ANKFN1: variants seen among roughly 807,000 people sequenced by gnomAD.
The protein encoded by ANKFN1 is ankyrin repeat and fibronectin type-III domain-containing protein 1.
ANKFN1 carries 74 observed loss-of-function variants against 108.7 expected under a neutral mutation model. That is an observed-to-expected ratio of 0.68 (90% confidence interval 0.56 to 0.83). ANKFN1 has a LOEUF of 0.83. Ranked by LOEUF, ANKFN1 falls within the 40% of genes least tolerant of loss-of-function variation. The pLI is 0.00. For missense variants in ANKFN1, 1,505 were observed against 1,382.3 expected (o/e 1.09, Z -1.41); for synonymous variants, 547 against 516.2 (o/e 1.06, Z -0.81).
At chr17:56,485,367 T>A (rs2050822554) in intron 18 of ANKFN1, among the ~76,000 whole-genome samples, 1 of 152,208 alleles carries the variant, frequency 6.6e-6, no homozygotes, top group Non-Finnish European at 1.5e-5. Context: ...AGCAGAGACC[T>A]AATATTTCCA....
rs552321362 is a variant in ANKFN1, at chr17:56,374,627, T to A, written c.823T>A (p.Cys275Ser). The A allele has an allele frequency of 1.2e-5, 20 of 1,613,934 alleles. No homozygotes were observed. In the East Asian group the frequency reaches 4.0e-4, roughly 32 times the overall value. ...ARAPEMPTNV[C>S]LMVTSSTSLT... The stretch of plus-strand genomic sequence containing the variant: ...AGCCCCTGAGATGCCAACCAATGTC[T>A]GTCTCATGGTAACCAGCAGCACATC... Residue 275 changes from cysteine to serine, a missense_variant, in exon 8 of 21, where the codon TGT (cysteine) becomes AGT (serine). By Grantham distance (112) the Cys-to-Ser change is moderately radical (BLOSUM62 -1). Transcript: ENST00000682825.
intron 3 of ANKFN1, among the ~76,000 whole-genome samples, chr17:56,261,235 A>C (rs1040586867): frequency 2.6e-5 from 4 of 152,230 alleles, no homozygotes; most frequent in Non-Finnish European, 4.4e-5. Flanking sequence ...TTATTGAGAA[A>C]TAATTTTCTC....
rs567387368 is a variant in ANKFN1 at position 56,139,853 on chromosome 17, G to A, written c.289-88064G>A. 7.2e-5 allele frequency among the ~76,000 whole-genome samples: 11 copies of A among 152,112 alleles called. No individual in the cohort carries two copies. The South Asian group carries it at 2.1e-3, about 29-fold the overall frequency. On this transcript the variant is annotated intron_variant, in intron 4 of 12. Transcript: ENST00000635860. ...GTTTCCACAGTGTTACACTATCTCG[G>A]TTTTATACGTTTCTTCATATCCTTT...
At chr17:56,348,329 G>T (rs539384623) in intron 4 of ANKFN1, among the ~76,000 whole-genome samples, 12 of 152,024 alleles carry the variant, frequency 7.9e-5, no homozygotes, top group Non-Finnish European at 1.5e-4. Flanking sequence ...CTAAAACTGG[G>T]TAGGGCCTCC....
At chr17:56,088,401 C>G (rs1905353970) in intron 4 of ANKFN1, among the ~76,000 whole-genome samples, 1 of 151,338 alleles carries the variant, frequency 6.6e-6, no homozygotes, top group Non-Finnish European at 1.5e-5. Flanking sequence ...TGCTGTCTGT[C>G]TGTCAGCCCC....
intron 1 of ANKFN1, among the ~76,000 whole-genome samples, chr17:56,175,734 G>A (rs1436770711): frequency 6.6e-6 from 1 of 152,156 alleles, no homozygotes; most frequent in African/African-American, 2.4e-5. Flanking sequence ...CCAGCCCTAT[G>A]CATTCAGTTA....
At chr17:56,306,136 T>C (rs866895982) in intron 3 of ANKFN1, among the ~76,000 whole-genome samples, 1 of 152,252 alleles carries the variant, frequency 6.6e-6, no homozygotes, top group Non-Finnish European at 1.5e-5. Flanking sequence ...TTAGCTATTC[T>C]GGTTCGTTTG....
intron 4 of ANKFN1, among the ~76,000 whole-genome samples, chr17:56,048,922 G>A (rs568869084): frequency 6.6e-6 from 1 of 152,314 alleles, no homozygotes; most frequent in East Asian, 1.9e-4. Context: ...TTTGGGGGAA[G>A]GTGAAGACTA....
At chr17:56,115,620 T>G (rs1353257276) in intron 4 of ANKFN1, among the ~76,000 whole-genome samples, 2 of 152,082 alleles carry the variant, frequency 1.3e-5, no homozygotes, top group Non-Finnish European at 2.9e-5. Context: ...AAAACAAAAT[T>G]TAATTGAAAA....
At chr17:56,388,069 T>A (rs1211967509) in intron 8 of ANKFN1, among the ~76,000 whole-genome samples, 1 of 152,180 alleles carries the variant, frequency 6.6e-6, no homozygotes, top group East Asian at 1.9e-4. Context: ...CTTTTAACAT[T>A]TTTTAGTTCT....
intron 3 of ANKFN1, among the ~76,000 whole-genome samples, chr17:56,270,736 A>G (rs2043770936): frequency 6.6e-6 from 1 of 152,170 alleles, no homozygotes; most frequent in Non-Finnish European, 1.5e-5. Flanking sequence ...GCAGTGAAAG[A>G]GCTTCTGTTC....
chr17:56,399,525 C>T (rs969241018), intron 8 of ANKFN1, among the ~76,000 whole-genome samples: 1 of 151,198 alleles, frequency 6.6e-6, no homozygotes, highest in Non-Finnish European at 1.5e-5. Context: ...AGGTGGTATT[C>T]GGTTACATGA....
At chr17:56,347,366 T>C (rs2046131702) in intron 4 of ANKFN1, among the ~76,000 whole-genome samples, 1 of 152,048 alleles carries the variant, frequency 6.6e-6, no homozygotes, top group Admixed American at 6.6e-5. Context: ...CATTTGTTGA[T>C]TAATCTTCAC....
At chr17:56,230,820 C>T (rs1916681221) in intron 3 of ANKFN1, among the ~76,000 whole-genome samples, 1 of 151,952 alleles carries the variant, frequency 6.6e-6, no homozygotes. Context: ...CCATTTTCTG[C>T]AATTTGTGGT....
chr17:56,073,288 G>T (rs565374547), intron 4 of ANKFN1, among the ~76,000 whole-genome samples: 164 of 152,290 alleles, frequency 1.1e-3, no homozygotes, highest in African/African-American at 3.7e-3. Flanking sequence ...CACCGCGCCC[G>T]GCCTATTATT....
At chr17:56,439,691 A>C (rs2049037391) in intron 8 of ANKFN1, among the ~76,000 whole-genome samples, 1 of 152,150 alleles carries the variant, frequency 6.6e-6, no homozygotes, top group Non-Finnish European at 1.5e-5. Context: ...TTTCAGAAAA[A>C]GAAGGTGTCA....
At chr17:56,334,423 G>A (rs935741926) in intron 4 of ANKFN1, among the ~76,000 whole-genome samples, 6 of 152,104 alleles carry the variant, frequency 3.9e-5, no homozygotes, top group African/African-American at 1.4e-4. Flanking sequence ...GGTTTCATGA[G>A]TGAACACTTA....
chr17:56,347,217 C>T (rs1412238689), intron 4 of ANKFN1, among the ~76,000 whole-genome samples: 1 of 151,820 alleles, frequency 6.6e-6, no homozygotes, highest in Non-Finnish European at 1.5e-5. Flanking sequence ...AGTTTCAAGA[C>T]ATTATTTAAG....
chr17:56,327,232 A>T (rs989043495), intron 4 of ANKFN1, among the ~76,000 whole-genome samples: 13 of 152,128 alleles, frequency 8.5e-5, no homozygotes, highest in African/African-American at 3.1e-4. Flanking sequence ...TGAATGTAGA[A>T]AGATCTTGCT....
Sources: allele counts gnomAD v4.1 joint callset (sites outside exome capture counted in the v4.1 genomes callset), GRCh38; gene constraint gnomAD v4.1.1; transcripts MANE v1.5; gene names NCBI Gene and HGNC (gene_info 2026-07-23, HGNC 2026-07-21).